BNC2: variants seen among roughly 807,000 people sequenced by gnomAD.
BNC2 encodes zinc finger protein basonuclin-2.
In BNC2, 20 loss-of-function variants were observed where a neutral mutation model predicts 76.3. The observed-to-expected ratio is 0.26, with a 90% CI of 0.18 to 0.38. The LOEUF (loss-of-function observed/expected upper bound fraction) is 0.38. BNC2 is among the 10% of genes least tolerant of loss of function. BNC2 has a pLI of 1.00. For synonymous variants in BNC2, 582 were observed against 514.8 expected, an observed-to-expected ratio of 1.13 and a Z score of -1.77; for missense variants, 1,382 against 1,399.8, an observed-to-expected ratio of 0.99 and a Z score of 0.20.
At chr9:16,800,140 A>C (rs1464998523) in intron 1 of BNC2, among the ~76,000 whole-genome samples, 1 of 151,576 alleles carries the variant, frequency 6.6e-6, no homozygotes, top group African/African-American at 2.4e-5. Context: ...CAGGAGAATC[A>C]CTTGAGCTTG....
intron 1 of BNC2, among the ~76,000 whole-genome samples, chr9:16,774,496 C>T (rs1287070099): frequency 1.3e-5 from 2 of 152,214 alleles, no homozygotes; most frequent in East Asian, 3.9e-4. Flanking sequence ...TGTGCTGTAG[C>T]TCAGGCTTCG....
chr9:16,575,755 T>A (rs147011143), intron 4 of BNC2, among the ~76,000 whole-genome samples: 1 of 152,230 alleles, frequency 6.6e-6, no homozygotes, highest in African/African-American at 2.4e-5. Context: ...GCTTTTGCTC[T>A]CTAAAACGAA....
At chr9:16,781,547 T>G (rs1282255254) in intron 1 of BNC2, among the ~76,000 whole-genome samples, 1 of 152,216 alleles carries the variant, frequency 6.6e-6, no homozygotes, top group Non-Finnish European at 1.5e-5. Flanking sequence ...TTCGTTGTGT[T>G]GCCCATGCTG....
At position 16,414,505 on chromosome 9, in the gene BNC2, T is replaced by C. The variant is rs1820542763; in HGVS notation, c.*4484A>G. 1 of 152,206 alleles carries C rather than the reference T, an allele frequency of 6.6e-6. No individual in the cohort carries two copies. The allele number at this position is 152,206 out of a possible 1,614,324, so 9.4% of individuals were successfully genotyped here. A position where few individuals can be genotyped will look rare whatever the true frequency, so the allele number is the denominator to read the frequency against. ...AGATAAGTGATTTTAAAGAATGAAA[T>C]TCGTTTGTCATAATTTTAAAAAAGA... On this transcript the variant is annotated 3_prime_UTR_variant, in exon 7 of 7. Coordinates refer to ENST00000380672, the MANE Select transcript of BNC2 (RefSeq NM_017637.6).
chr9:16,795,275 CTCCACATGTGACCGGTCTTTCTACAG>C (rs1171542129), intron 1 of BNC2, among the ~76,000 whole-genome samples: 2 of 152,036 alleles, frequency 1.3e-5, no homozygotes, highest in Non-Finnish European at 2.9e-5. Context: ...GTAAGGCGAA[CTCCACATGTGACCGGTCTTTCTACAG>C]TCCAGAGACG....
chr9:16,721,817 A>G (rs1380398200), intron 3 of BNC2, among the ~76,000 whole-genome samples: 2 of 152,094 alleles, frequency 1.3e-5, no homozygotes, highest in African/African-American at 2.4e-5. Flanking sequence ...CTCTGGGGGG[A>G]AAAAGGAGTT....
intron 5 of BNC2, among the ~76,000 whole-genome samples, chr9:16,454,693 G>C (rs180989752): frequency 6.6e-6 from 1 of 152,054 alleles, no homozygotes; most frequent in South Asian, 2.1e-4. Context: ...CTTCTTTAGC[G>C]ACATCCTTAC....
chr9:16,685,076 T>C (rs2134342233), intron 3 of BNC2, among the ~76,000 whole-genome samples: 1 of 152,334 alleles, frequency 6.6e-6, no homozygotes, highest in East Asian at 1.9e-4. Context: ...CATGACTTAC[T>C]CACATATATC....
chr9:16,425,303 A>G (rs1563777021), intron 6 of BNC2, among the ~76,000 whole-genome samples: 2 of 152,178 alleles, frequency 1.3e-5, no homozygotes, highest in Non-Finnish European at 2.9e-5. Flanking sequence ...GTCTGTTGTA[A>G]TAACAGGTAG....
At chr9:16,485,550 C>T (rs1441245832) in intron 5 of BNC2, among the ~76,000 whole-genome samples, 2 of 152,194 alleles carry the variant, frequency 1.3e-5, no homozygotes, top group Admixed American at 6.5e-5. Context: ...CTGTCAGGGC[C>T]GGTCCTCCAC....
At chr9:16,626,559 AAG>A in intron 3 of BNC2, among the ~76,000 whole-genome samples, 1 of 152,242 alleles carries the variant, frequency 6.6e-6, no homozygotes, top group African/African-American at 2.4e-5. Context: ...AACAACAACA[AAG>A]ACAGAGACCT....
intron 1 of BNC2, among the ~76,000 whole-genome samples, chr9:16,813,352 A>G (rs756727542): frequency 0.02 from 2,945 of 148,298 alleles, 95 homozygotes; most frequent in African/African-American, 0.07. Context: ...TGCAAGCTCC[A>G]CCTCCCGGGT....
chr9:16,604,988 C>T (rs1053321378), intron 3 of BNC2, among the ~76,000 whole-genome samples: 2 of 152,248 alleles, frequency 1.3e-5, no homozygotes, highest in African/African-American at 4.8e-5. Context: ...CCTCCACTCT[C>T]GGGAATTACA....
chr9:16,742,056 A>T (rs901794715), intron 1 of BNC2, among the ~76,000 whole-genome samples: 1 of 152,110 alleles, frequency 6.6e-6, no homozygotes, highest in African/African-American at 2.4e-5. Context: ...CATAGTGTAT[A>T]GTTCTTATGA....
chr9:16,826,151 T>A (rs924007616), intron 1 of BNC2, among the ~76,000 whole-genome samples: 6 of 152,158 alleles, frequency 3.9e-5, no homozygotes, highest in South Asian at 2.1e-4. Context: ...CTAACACATT[T>A]TTTAAAAGCT....
intron 5 of BNC2, among the ~76,000 whole-genome samples, chr9:16,545,067 A>G (rs1364276870): frequency 6.6e-6 from 1 of 152,210 alleles, no homozygotes; most frequent in Non-Finnish European, 1.5e-5. Context: ...CTGAAGTACA[A>G]AGTCTTTGTT....
At chr9:16,476,983 G>T (rs908205861) in intron 5 of BNC2, among the ~76,000 whole-genome samples, 2 of 152,294 alleles carry the variant, frequency 1.3e-5, no homozygotes, top group African/African-American at 4.8e-5. Context: ...GAGCCTTCAA[G>T]AGGAACCCCG....
chr9:16,415,087 G>A lies in BNC2; in HGVS notation c.*3902C>T, dbSNP rs1360069989. 2.0e-5 allele frequency: 3 copies of A among 152,158 alleles called. No individual in the cohort carries two copies. Among genetic ancestry groups the A allele is most frequent in the Non-Finnish European group, 2.9e-5 (2 of 68,030 alleles). 9.4% of individuals were successfully genotyped at this position (152,158 alleles called of 1,614,324 possible). A position where few individuals can be genotyped will look rare whatever the true frequency, so the allele number is the denominator to read the frequency against. On this transcript the variant is annotated 3_prime_UTR_variant, in exon 7 of 7. Transcript: ENST00000380672. ...AAAGGTTTTAAAAAATGTTTGCCAT[G>A]TTGAAAAGGAAAACATTAACACCTT...
At chr9:16,601,798 G>A (rs771077831) in intron 3 of BNC2, among the ~76,000 whole-genome samples, 5 of 152,000 alleles carry the variant, frequency 3.3e-5, no homozygotes, top group African/African-American at 9.7e-5. Context: ...TTTTCAATAC[G>A]CATTTAGGAA....
Sources: allele counts gnomAD v4.1 joint callset (sites outside exome capture counted in the v4.1 genomes callset), GRCh38; gene constraint gnomAD v4.1.1; transcripts MANE v1.5; gene names NCBI Gene and HGNC (gene_info 2026-07-23, HGNC 2026-07-21).